The following KCNQ1OT1 variants were observed in gnomAD, a reference collection of about 807,000 sequenced individuals.
KCNQ1OT1 encodes the protein KCNQ1 opposite strand/antisense transcript 1.
rs969783262 is a variant in KCNQ1OT1 at position 2,624,921 on chromosome 11, A to G, written n.75074T>C. The G allele has an allele frequency of 2.5e-6, 1 of 398,048 alleles. No individual in the cohort carries two copies. The highest frequency in any genetic ancestry group is 2.1e-5 in the African/African-American group (1 of 48,490). The allele number at this position is 398,048 out of a possible 1,614,324, so 24.7% of individuals were successfully genotyped here. ...TGTTGTGGCATGTGTCAAAATTTCT[A>G]TTTTTTTTAAAGCTGAATAATATTA... On this transcript the variant is annotated non_coding_transcript_exon_variant, in exon 1 of 1. Transcript: ENST00000597346. The surrounding 1 kb of genome is among the most constrained non-coding windows in gnomAD (Gnocchi z 4.9).
rs1211446640 is a variant in KCNQ1OT1 at position 2,651,137 on chromosome 11, GGA to G, written n.48856_48857del. On this transcript the variant is annotated non_coding_transcript_exon_variant, in exon 1 of 1. Transcript: ENST00000597346. This position sits in a 1 kb window ranked among gnomAD's most constrained non-coding sequence, Gnocchi z 6.1. Reference sequence around the variant, plus strand: ...TCCATTCTTCACATAACAGCTCAAGGGAGTTCTTTAAATGTACAGTGGATCTT... The same window carrying G: ...TCCATTCTTCACATAACAGCTCAAGGGTTCTTTAAATGTACAGTGGATCTT... The G allele has an allele frequency of 2.5e-6, 1 of 398,508 alleles. No homozygotes were observed. Among genetic ancestry groups the G allele is most frequent in the East Asian group, 3.6e-5 (1 of 28,094 alleles). The allele number at this position is 398,508 out of a possible 1,614,324, so 24.7% of individuals were successfully genotyped here.
rs553305164 is a variant in KCNQ1OT1, at chr11:2,673,279, C to T, written n.26716G>A. On this transcript the variant is annotated non_coding_transcript_exon_variant, in exon 1 of 1. Coordinates refer to ENST00000597346, the Ensembl canonical transcript of KCNQ1OT1. This position sits in a 1 kb window ranked among gnomAD's most constrained non-coding sequence, Gnocchi z 4.5. ...ACTGCAAAGCCTCAGCCACCTTCTC[C>T]CCTAGAAGAAATCTTGAGAGAAACA... 1 of 398,734 alleles carries T rather than the reference C, an allele frequency of 2.5e-6. No homozygotes were observed. The highest frequency in any genetic ancestry group is 3.6e-5 in the East Asian group (1 of 28,072). The allele number at this position is 398,734 out of a possible 1,614,324, so 24.7% of individuals were successfully genotyped here. A position where few individuals can be genotyped will look rare whatever the true frequency, so the allele number is the denominator to read the frequency against.
At position 2,645,853 on chromosome 11, in the gene KCNQ1OT1, T is replaced by C; in HGVS notation, n.54142A>G. 1 of 398,628 alleles carries C rather than the reference T, an allele frequency of 2.5e-6. No individual in the cohort carries two copies. The highest frequency in any genetic ancestry group is 4.4e-6 in the Non-Finnish European group (1 of 226,100). 24.7% of individuals were successfully genotyped at this position (398,628 alleles called of 1,614,324 possible). A position where few individuals can be genotyped will look rare whatever the true frequency, so the allele number is the denominator to read the frequency against. On this transcript the variant is annotated non_coding_transcript_exon_variant, in exon 1 of 1. Transcript: ENST00000597346. The surrounding 1 kb of genome is among the most constrained non-coding windows in gnomAD (Gnocchi z 5.8). ...GTTGCCTGAGGATTCAGGGGATGTGTGAATTGCCTGAGGATTCAGGGTGAT... is the reference window on the plus strand; with the variant it reads ...GTTGCCTGAGGATTCAGGGGATGTGCGAATTGCCTGAGGATTCAGGGTGAT...
exon 1 of KCNQ1OT1, chr11:2,692,379 C>T (rs1392834178): frequency 2.5e-6 from 1 of 398,748 alleles, no homozygotes; most frequent in African/African-American, 2.1e-5. Context: ...TTCTCACATC[C>T]CCTGCCCCAT....
exon 1 of KCNQ1OT1, chr11:2,632,198 A>G: frequency 2.5e-6 from 1 of 397,876 alleles, no homozygotes; most frequent in Non-Finnish European, 4.4e-6. Context: ...AAAAAAAAAA[A>G]AAAAAGAAAT....
chr11:2,638,112 T>C (rs1849507760), exon 1 of KCNQ1OT1: 1 of 152,230 alleles, frequency 6.6e-6, no homozygotes, highest in Admixed American at 6.5e-5. Context: ...AGCACACTGA[T>C]GGGTCTTGAC....
exon 1 of KCNQ1OT1, chr11:2,630,682 ACTT>A: frequency 5.0e-6 from 2 of 398,368 alleles, no homozygotes; most frequent in Non-Finnish European, 8.9e-6. Flanking sequence ...TGAATTTTGT[ACTT>A]TCATATGTTT....
exon 1 of KCNQ1OT1, chr11:2,680,223 A>G (rs2133879537): frequency 2.5e-6 from 1 of 398,240 alleles, no homozygotes; most frequent in East Asian, 3.6e-5. Context: ...AAAAAAAAAA[A>G]AAAAGTTGTC....
chr11:2,645,883 C>G lies in KCNQ1OT1; in HGVS notation n.54112G>C. 1 of 398,648 alleles carries G rather than the reference C, an allele frequency of 2.5e-6. No individual in the cohort carries two copies. 24.7% of individuals were successfully genotyped at this position (398,648 alleles called of 1,614,324 possible). A position where few individuals can be genotyped will look rare whatever the true frequency, so the allele number is the denominator to read the frequency against. On this transcript the variant is annotated non_coding_transcript_exon_variant, in exon 1 of 1. Transcript: ENST00000597346. This position sits in a 1 kb window ranked among gnomAD's most constrained non-coding sequence, Gnocchi z 5.8. ...TGCCTGAGGATTCAGGGTGATCTCC[C>G]TCTCTGGGAGCTGTTCATTGCCATT...
In KCNQ1OT1 at chr11:2,698,774, C is replaced by T. The variant is rs1334277714; in HGVS notation, n.1221G>A. 5.0e-6 allele frequency: 2 copies of T among 398,788 alleles called. No individual in the cohort carries two copies. The highest frequency in any genetic ancestry group is 8.8e-6 in the Non-Finnish European group (2 of 226,164). 24.7% of individuals were successfully genotyped at this position (398,788 alleles called of 1,614,324 possible). ...CAGAGCCATGATGCAGACTCCAGAC[C>T]GGGATTCAGGTCCCCAACTCAGACT... On this transcript the variant is annotated non_coding_transcript_exon_variant, in exon 1 of 1. Coordinates refer to ENST00000597346, the Ensembl canonical transcript of KCNQ1OT1. The surrounding 1 kb of genome is among the most constrained non-coding windows in gnomAD (Gnocchi z 5.1).
exon 1 of KCNQ1OT1, chr11:2,643,135 C>A (rs1348043242): frequency 2.5e-6 from 1 of 398,180 alleles, no homozygotes; most frequent in East Asian, 3.6e-5. Flanking sequence ...GTATATTCTG[C>A]AGCTGTTTTA....
At position 2,695,516 on chromosome 11, in the gene KCNQ1OT1, A is replaced by G. The variant is rs1850658895; in HGVS notation, n.4479T>C. Reference sequence around the variant, plus strand: ...CATCTAGTCCCCTGCTCCTAACCACAGTGACCAGCTCCAACTGCCCACCCC... The same window carrying G: ...CATCTAGTCCCCTGCTCCTAACCACGGTGACCAGCTCCAACTGCCCACCCC... On this transcript the variant is annotated non_coding_transcript_exon_variant, in exon 1 of 1. Coordinates refer to ENST00000597346, the Ensembl canonical transcript of KCNQ1OT1. This position sits in a 1 kb window ranked among gnomAD's most constrained non-coding sequence, Gnocchi z 5.2. 2.5e-6 allele frequency: 1 copy of G among 398,502 alleles called. No homozygotes were observed. The highest frequency in any genetic ancestry group is 4.4e-6 in the Non-Finnish European group (1 of 226,112). 24.7% of individuals were successfully genotyped at this position (398,502 alleles called of 1,614,324 possible). A position where few individuals can be genotyped will look rare whatever the true frequency, so the allele number is the denominator to read the frequency against.
chr11:2,678,493 T>C lies in KCNQ1OT1; in HGVS notation n.21502A>G, dbSNP rs16928541. On this transcript the variant is annotated non_coding_transcript_exon_variant, in exon 1 of 1. Coordinates refer to ENST00000597346, the Ensembl canonical transcript of KCNQ1OT1. The surrounding 1 kb of genome is among the most constrained non-coding windows in gnomAD (Gnocchi z 4.9). ...ATATTTCAAACTCTCATTTAATTTG[T>C]GTCCATTTCTAGACTCTATTCTGGA... is the stretch of plus-strand genomic sequence containing the variant. 0.015 allele frequency: 5,951 copies of C among 398,638 alleles called. 199 individuals carry two copies. The highest frequency in any genetic ancestry group is 0.095 in the East Asian group (2,663 of 28,080). The allele number at this position is 398,638 out of a possible 1,614,324, so 24.7% of individuals were successfully genotyped here.
rs1850151745 is a variant in KCNQ1OT1 at position 2,670,006 on chromosome 11, G to A, written n.29989C>T. On this transcript the variant is annotated non_coding_transcript_exon_variant, in exon 1 of 1. Transcript: ENST00000597346. This position sits in a 1 kb window ranked among gnomAD's most constrained non-coding sequence, Gnocchi z 4.9. ...TCAAATCTCGGAATGGGGTTCAGGA[G>A]CTGTTGGGGTCCCGTGGAGGTACAG... The A allele has an allele frequency of 2.5e-6, 1 of 398,734 alleles. No homozygotes were observed. Among genetic ancestry groups the A allele is most frequent in the Non-Finnish European group, 4.4e-6 (1 of 226,154 alleles). 24.7% of individuals were successfully genotyped at this position (398,734 alleles called of 1,614,324 possible). A position where few individuals can be genotyped will look rare whatever the true frequency, so the allele number is the denominator to read the frequency against.
In KCNQ1OT1 at chr11:2,642,716, G is replaced by T. The variant is rs1257158218; in HGVS notation, n.57279C>A. On this transcript the variant is annotated non_coding_transcript_exon_variant, in exon 1 of 1. Coordinates refer to ENST00000597346, the Ensembl canonical transcript of KCNQ1OT1. This position sits in a 1 kb window ranked among gnomAD's most constrained non-coding sequence, Gnocchi z 4.3. ...TTCTACTAATTTTATGTTTAGTATG[G>T]TTTGTTCTTGCTTTTCTGGTTCCTT... 5.0e-6 allele frequency: 2 copies of T among 397,400 alleles called. No homozygotes were observed. Among genetic ancestry groups the T allele is most frequent in the African/African-American group, 4.1e-5 (2 of 48,498 alleles). The allele number at this position is 397,400 out of a possible 1,614,324, so 24.6% of individuals were successfully genotyped here. A position where few individuals can be genotyped will look rare whatever the true frequency, so the allele number is the denominator to read the frequency against.
chr11:2,657,082 T>A lies in KCNQ1OT1; in HGVS notation n.42913A>T, dbSNP rs1311506930. 2.5e-6 allele frequency: 1 copy of A among 398,566 alleles called. No individual in the cohort carries two copies. The highest frequency in any genetic ancestry group is 2.1e-5 in the African/African-American group (1 of 48,652). The allele number at this position is 398,566 out of a possible 1,614,324, so 24.7% of individuals were successfully genotyped here. A position where few individuals can be genotyped will look rare whatever the true frequency, so the allele number is the denominator to read the frequency against. On this transcript the variant is annotated non_coding_transcript_exon_variant, in exon 1 of 1. Coordinates refer to ENST00000597346, the Ensembl canonical transcript of KCNQ1OT1. This position sits in a 1 kb window ranked among gnomAD's most constrained non-coding sequence, Gnocchi z 4.8. ...CTCAATCCTGTCCCATTGGCCTATT[T>A]GTCTCTCCCTGTGTCAATACCACAT... is the stretch of plus-strand genomic sequence containing the variant.
exon 1 of KCNQ1OT1, chr11:2,618,326 T>A (rs1849103295): frequency 2.5e-6 from 1 of 398,408 alleles, no homozygotes; most frequent in Non-Finnish European, 4.4e-6. Flanking sequence ...TGCAAAAAAA[T>A]TCAATGTTTT....
chr11:2,611,979 T>A lies in KCNQ1OT1; in HGVS notation n.88016A>T, dbSNP rs1848985405. The A allele has an allele frequency of 5.0e-6, 2 of 398,670 alleles. No homozygotes were observed. Among genetic ancestry groups the A allele is most frequent in the Non-Finnish European group, 8.8e-6 (2 of 226,074 alleles). 24.7% of individuals were successfully genotyped at this position (398,670 alleles called of 1,614,324 possible). On this transcript the variant is annotated non_coding_transcript_exon_variant, in exon 1 of 1. Transcript: ENST00000597346. This position sits in a 1 kb window ranked among gnomAD's most constrained non-coding sequence, Gnocchi z 5.3. ...TTTTGTCTGCCCTATTCTCTCCTTCTCAGTACTCTTATTAACACATATGTT... is the reference window on the plus strand; with the variant it reads ...TTTTGTCTGCCCTATTCTCTCCTTCACAGTACTCTTATTAACACATATGTT...
exon 1 of KCNQ1OT1, chr11:2,634,989 A>C (rs1389389161): frequency 6.6e-6 from 1 of 152,194 alleles, no homozygotes; most frequent in African/African-American, 2.4e-5. Flanking sequence ...TCTTTTGAGA[A>C]GTGTCTGTTC....
Sources: gnomAD v4.1 joint callset for allele counts on GRCh38, gnomAD v4.1.1 for gene constraint, Gnocchi (gnomAD v3.1) non-coding constraint, MANE v1.5 for transcripts, NCBI Gene and HGNC (gene_info 2026-07-23, HGNC 2026-07-21) for gene names.